BICC1: variants seen among roughly 807,000 people sequenced by gnomAD.
BICC1 encodes protein bicaudal C homolog 1.
Under a neutral mutation model 111.0 loss-of-function variants are expected in BICC1, and 43 were observed. The observed-to-expected ratio is 0.39, with a 90% CI of 0.30 to 0.50. The LOEUF (loss-of-function observed/expected upper bound fraction) is 0.50. Among genes scored for constraint, BICC1 ranks in the 20% least tolerant of loss-of-function variants. The pLI, the probability that BICC1 is intolerant of heterozygous loss-of-function variation, is 0.88. For missense variants in BICC1, 1,091 were observed against 1,203.2 expected (o/e 0.91, Z 1.38); for synonymous variants, 467 against 434.4 (o/e 1.07, Z -0.93).
upstream of BICC1, among the ~76,000 whole-genome samples, chr10:58,512,427 A>G (rs1287248318): frequency 6.6e-6 from 1 of 152,194 alleles, no homozygotes; most frequent in Non-Finnish European, 1.5e-5. Flanking sequence ...GTATGTATGT[A>G]AACAGCGGAA....
chr10:58,785,741 C>T (rs534622548), intron 4 of BICC1, among the ~76,000 whole-genome samples: 109 of 152,300 alleles, frequency 7.2e-4, no homozygotes, highest in African/African-American at 2.5e-3. Flanking sequence ...GTTTGATCCT[C>T]GTAACTGACT....
chr10:58,712,947 A>G (rs1175200974), intron 3 of BICC1, among the ~76,000 whole-genome samples: 2 of 152,170 alleles, frequency 1.3e-5, no homozygotes, highest in Non-Finnish European at 2.9e-5. Flanking sequence ...AATAAAGTCT[A>G]TATTTAAAAG....
rs1448967242 is a variant in BICC1 at position 58,761,839 on chromosome 10, G to T, written c.308-23162G>T. On this transcript the variant is annotated intron_variant, in intron 3 of 20. Transcript: ENST00000373886. ...CATCCTTTCTATGAACACATTTCAG[G>T]AGCTGAGAAGTTCCTATCCATCATG... is the stretch of plus-strand genomic sequence containing the variant. Among the ~76,000 whole-genome samples the T allele has an allele frequency of 2.6e-5, 4 of 152,108 alleles. No individual in the cohort carries two copies. In the East Asian group the frequency reaches 7.7e-4, roughly 29 times the overall value.
chr10:58,803,194 C>T lies in BICC1; in HGVS notation c.2133C>T (p.Asn711=). 1.2e-6 allele frequency: 2 copies of T among 1,609,668 alleles called. No individual in the cohort carries two copies. Among genetic ancestry groups the T allele is most frequent in the South Asian group, 1.1e-5 (1 of 89,728 alleles). Residue 711 remains asparagine (N), a synonymous_variant, in exon 15 of 21, where the codon AAC becomes AAT. Coordinates refer to ENST00000373886, the MANE Select transcript of BICC1 (RefSeq NM_001080512.3). ...AAERAAAAQQ[N]SERAHLAPRS... The stretch of plus-strand genomic sequence containing the variant: ...AGAGGGCAGCAGCTGCCCAGCAAAA[C>T]TCCGAAAGGGCCCACCTTGCTCCAC...
At chr10:58,599,929 G>GGTGTGTGTGTGT (rs59937252) in intron 1 of BICC1, among the ~76,000 whole-genome samples, 18 of 149,884 alleles carry the variant, frequency 1.2e-4, no homozygotes, top group East Asian at 5.9e-4. Context: ...AACTAAAGAG[G>GGTGTGTGTGTGT]GTGTGTGTGT....
intron 2 of BICC1, among the ~76,000 whole-genome samples, chr10:58,677,426 A>G (rs898610297): frequency 1.3e-5 from 2 of 152,372 alleles, no homozygotes; most frequent in South Asian, 4.1e-4. Flanking sequence ...CAAGAACCAA[A>G]TTGATCAGTT....
intron 1 of BICC1, among the ~76,000 whole-genome samples, chr10:58,562,559 C>A (rs944760608): frequency 1.3e-5 from 2 of 151,936 alleles, no homozygotes; most frequent in African/African-American, 4.8e-5. Flanking sequence ...TCTCTTGTAT[C>A]TTGCTGAGTT....
At chr10:58,610,189 A>G (rs1845371164) in intron 1 of BICC1, among the ~76,000 whole-genome samples, 1 of 152,222 alleles carries the variant, frequency 6.6e-6, no homozygotes, top group Non-Finnish European at 1.5e-5. Context: ...TTTTGGGAAT[A>G]TATATTTCCC....
intron 2 of BICC1, among the ~76,000 whole-genome samples, chr10:58,692,398 C>T (rs1414018556): frequency 1.3e-5 from 2 of 152,154 alleles, no homozygotes; most frequent in African/African-American, 2.4e-5. Flanking sequence ...CCTATGGGGA[C>T]ATCAAAATGA....
chr10:58,656,364 T>C (rs1173379549), intron 2 of BICC1, among the ~76,000 whole-genome samples: 8 of 150,304 alleles, frequency 5.3e-5, no homozygotes, highest in African/African-American at 2.0e-4. Flanking sequence ...CCAGCATCAT[T>C]CTGATACCAA....
intron 1 of BICC1, among the ~76,000 whole-genome samples, chr10:58,611,750 A>G (rs917632361): frequency 6.6e-6 from 1 of 152,058 alleles, no homozygotes; most frequent in Non-Finnish European, 1.5e-5. Flanking sequence ...TCGGCCTCCC[A>G]AAGTGCTGGG....
At chr10:58,534,601 A>C (rs1842779527) in intron 1 of BICC1, among the ~76,000 whole-genome samples, 1 of 151,630 alleles carries the variant, frequency 6.6e-6, no homozygotes, top group South Asian at 2.1e-4. Flanking sequence ...GTTAAATGAA[A>C]AATAAATTCA....
intron 1 of BICC1, among the ~76,000 whole-genome samples, chr10:58,608,871 A>C (rs1052855892): frequency 6.6e-6 from 1 of 152,228 alleles, no homozygotes; most frequent in East Asian, 1.9e-4. Flanking sequence ...ATACATAAGT[A>C]TTTTAGCATA....
chr10:58,535,670 G>A (rs1175283831), intron 1 of BICC1, among the ~76,000 whole-genome samples: 1 of 151,504 alleles, frequency 6.6e-6, no homozygotes, highest in Non-Finnish European at 1.5e-5. Context: ...CAATAACACA[G>A]TGAAGAAAAG....
At chr10:58,718,644 T>A (rs1383117285) in intron 3 of BICC1, among the ~76,000 whole-genome samples, 1 of 152,178 alleles carries the variant, frequency 6.6e-6, no homozygotes, top group Non-Finnish European at 1.5e-5. Context: ...TGTGTTAATT[T>A]TTGAAGGACT....
At chr10:58,725,059 T>C (rs561662759) in intron 3 of BICC1, among the ~76,000 whole-genome samples, 2 of 152,282 alleles carry the variant, frequency 1.3e-5, no homozygotes, top group African/African-American at 4.8e-5. Context: ...ATGGCAATTT[T>C]GTGGGGGTTG....
intron 1 of BICC1, among the ~76,000 whole-genome samples, chr10:58,613,972 A>AT (rs1386375056): frequency 3.3e-5 from 5 of 151,844 alleles, no homozygotes; most frequent in Admixed American, 1.3e-4. Flanking sequence ...TATTTATCTT[A>AT]TTTTTTTTAA....
intron 1 of BICC1, among the ~76,000 whole-genome samples, chr10:58,570,980 C>T (rs1843931061): frequency 6.6e-6 from 1 of 152,250 alleles, no homozygotes; most frequent in African/African-American, 2.4e-5. Context: ...TGATTCTGGT[C>T]ATTTTTAGTA....
chr10:58,577,261 A>G (rs1844140510), intron 1 of BICC1, among the ~76,000 whole-genome samples: 1 of 152,202 alleles, frequency 6.6e-6, no homozygotes, highest in Admixed American at 6.5e-5. Context: ...GAGAACAATG[A>G]GGCTCACAGG....
Sources: allele counts gnomAD v4.1 joint callset (sites outside exome capture counted in the v4.1 genomes callset), GRCh38; gene constraint gnomAD v4.1.1; transcripts MANE v1.5; gene names NCBI Gene and HGNC (gene_info 2026-07-23, HGNC 2026-07-21).